The following RAI1 variants were observed in gnomAD, a reference collection of about 807,000 sequenced individuals.
The protein encoded by RAI1 is retinoic acid induced 1.
Under a neutral mutation model 123.8 loss-of-function variants are expected in RAI1, and 9 were observed. That is an observed-to-expected ratio of 0.07 (90% CI 0.04 to 0.13). The LOEUF is 0.13. Among genes scored for constraint, RAI1 ranks in the 10% least tolerant of loss-of-function variants. The pLI, the probability that RAI1 is intolerant of heterozygous loss-of-function variation, is 1.00. For synonymous variants in RAI1, 1,231 were observed against 1,127.3 expected (o/e 1.09, Z -1.84); for missense variants, 2,256 against 2,545.8 (o/e 0.89, Z 2.45).
chr17:17,711,029 GGTTT>G (rs1253244222), intron 1 of RAI1, among the ~76,000 whole-genome samples: 1 of 152,178 alleles, frequency 6.6e-6, no homozygotes, highest in African/African-American at 2.4e-5. Context: ...TCCCTCACAC[GGTTT>G]GTTTGGAGAA....
chr17:17,792,647 C>G lies in RAI1; in HGVS notation c.-16-286C>G, dbSNP rs1287094566. On this transcript the variant is annotated intron_variant, in intron 2 of 5. Transcript: ENST00000353383. ...CGGTTTTGCCTCCCGCATCAGTGGC[C>G]GTCCTTGGCAAGACTCAGCTGCAGG... is the stretch of plus-strand genomic sequence containing the variant. Among the ~76,000 whole-genome samples, 5 of 151,788 alleles carry G rather than the reference C, an allele frequency of 3.3e-5. No homozygotes were observed. In the South Asian group the frequency reaches 8.3e-4, roughly 25 times the overall value.
At chr17:17,741,098 C>T (rs1916616236) in intron 2 of RAI1, among the ~76,000 whole-genome samples, 2 of 151,878 alleles carry the variant, frequency 1.3e-5, no homozygotes, top group Non-Finnish European at 2.9e-5. Context: ...CGCGCACACA[C>T]ACACACACAC....
intron 2 of RAI1, among the ~76,000 whole-genome samples, chr17:17,744,443 G>A (rs1916745424): frequency 6.6e-6 from 1 of 152,158 alleles, no homozygotes. Flanking sequence ...CCTTGGCGTG[G>A]TTTTCATTCA....
chr17:17,762,875 G>T (rs1011402084), intron 2 of RAI1, among the ~76,000 whole-genome samples: 1 of 151,952 alleles, frequency 6.6e-6, no homozygotes, highest in African/African-American at 2.4e-5. Flanking sequence ...TCTCTCTAGG[G>T]CTGAAAGCAA....
chr17:17,742,641 A>G (rs779446970), intron 2 of RAI1, among the ~76,000 whole-genome samples: 14 of 152,200 alleles, frequency 9.2e-5, no homozygotes, highest in Non-Finnish European at 1.9e-4. Flanking sequence ...GAGAGAGAGA[A>G]GTGTGTGAAG....
intron 2 of RAI1, chr17:17,759,277 T>G (rs1445901102): frequency 6.6e-6 from 1 of 152,104 alleles, no homozygotes; most frequent in Non-Finnish European, 1.5e-5. Flanking sequence ...CAGGTCAGAG[T>G]GGCCAACTAC....
At chr17:17,803,949 C>A in intron 4 of RAI1, 100 bp downstream of exon 4, 1 of 1,137,490 alleles carries the variant, frequency 8.8e-7, no homozygotes, top group Non-Finnish European at 1.3e-6. Context: ...CCCCATCTCA[C>A]TCTTCAGTTT....
chr17:17,738,478 C>T (rs1460687982), intron 2 of RAI1, among the ~76,000 whole-genome samples: 1 of 152,164 alleles, frequency 6.6e-6, no homozygotes, highest in Non-Finnish European at 1.5e-5. Context: ...GCCTCCGCCA[C>T]CTGGGTGGTC....
At chr17:17,696,899 G>C (rs928730251) in intron 1 of RAI1, among the ~76,000 whole-genome samples, 1 of 152,208 alleles carries the variant, frequency 6.6e-6, no homozygotes, top group Non-Finnish European at 1.5e-5. Context: ...GCCCCTTGTC[G>C]ATCCTGTGAC....
chr17:17,753,462 A>G (rs1057096509), intron 2 of RAI1, among the ~76,000 whole-genome samples: 1 of 152,250 alleles, frequency 6.6e-6, no homozygotes, highest in Non-Finnish European at 1.5e-5. Flanking sequence ...TCACGGTTAT[A>G]CATGGATAGC....
At chr17:17,802,043 G>A (rs770417381) in intron 3 of RAI1, 8 of 470,472 alleles carry the variant, frequency 1.7e-5, no homozygotes, top group South Asian at 9.3e-5. Flanking sequence ...CCCCCAGCAC[G>A]GTGGCACTGT....
intron 2 of RAI1, among the ~76,000 whole-genome samples, chr17:17,746,087 C>T (rs1262290149): frequency 6.6e-6 from 1 of 151,782 alleles, no homozygotes; most frequent in African/African-American, 2.4e-5. Context: ...CCAGCAGATC[C>T]TCCACCAGCA....
Position 17,797,622 on chromosome 17 carries a change from G to GCGA in RAI1, c.4682_4684dup (p.Arg1561dup), listed in dbSNP as rs751070255. 1 of 1,613,976 alleles carries GCGA rather than the reference G, an allele frequency of 6.2e-7. No individual in the cohort carries two copies. Among genetic ancestry groups the GCGA allele is most frequent in the Non-Finnish European group, 8.5e-7 (1 of 1,180,040 alleles). On this transcript the variant is annotated inframe_insertion, in exon 3 of 6. Transcript: ENST00000353383. ...CTTCACCCTGTAAGGGGCGTGCCAA[G>GCGA]CGACGACGACAGCAGCAGGTGCTGC...
intron 1 of RAI1, 52 bp downstream of exon 1, chr17:17,681,845 CG>C (rs1914427461): frequency 1.6e-5 from 4 of 250,214 alleles, no homozygotes; most frequent in South Asian, 1.5e-4. Flanking sequence ...TGCCCCGGGG[CG>C]GGGGCGGCGC....
At chr17:17,734,295 T>G (rs990367257) in intron 2 of RAI1, among the ~76,000 whole-genome samples, 12 of 151,912 alleles carry the variant, frequency 7.9e-5, no homozygotes, top group Non-Finnish European at 1.5e-4. Context: ...TTTTTTTAAT[T>G]TAGCCAGGCA....
In RAI1 at chr17:17,799,163, T is replaced by C. The variant is rs1268978496; in HGVS notation, c.5565+650T>C. 6.6e-6 allele frequency among the ~76,000 whole-genome samples: 1 copy of C among 152,232 alleles called. No homozygotes were observed. The highest frequency in any genetic ancestry group is 1.5e-5 in the Non-Finnish European group (1 of 68,038). ...TGAGCACCAACATGAGAGAGGGAAC[T>C]CTGGGGCTGTGCCGCCATGCACCTT... On this transcript the variant is annotated intron_variant, in intron 3 of 5. Transcript: ENST00000353383. This position sits in a 1 kb window ranked among gnomAD's most constrained non-coding sequence, Gnocchi z 4.5.
chr17:17,689,831 C>T (rs148903751), intron 1 of RAI1, among the ~76,000 whole-genome samples: 1 of 152,264 alleles, frequency 6.6e-6, no homozygotes, highest in African/African-American at 2.4e-5. Flanking sequence ...TCCATTGTTG[C>T]TTTTATTTCT....
At chr17:17,759,641 A>G (rs1468389917) in intron 2 of RAI1, among the ~76,000 whole-genome samples, 7 of 152,124 alleles carry the variant, frequency 4.6e-5, no homozygotes, top group African/African-American at 1.2e-4. Context: ...ATGTCTGCAC[A>G]TATTTCGGGG....
At chr17:17,686,683 G>T (rs139242538) in intron 1 of RAI1, among the ~76,000 whole-genome samples, 1,823 of 151,328 alleles carry the variant, frequency 0.012, 19 homozygotes, top group Non-Finnish European at 0.016. Context: ...GGGGGTGGAG[G>T]ACCTGGGGAG....
Sources: gnomAD v4.1 joint callset for allele counts (sites outside exome capture counted in the v4.1 genomes callset) on GRCh38, gnomAD v4.1.1 for gene constraint, Gnocchi (gnomAD v3.1) non-coding constraint, MANE v1.5 for transcripts, NCBI Gene and HGNC (gene_info 2026-07-23, HGNC 2026-07-21) for gene names.